Variants in EDARADD observed in about 807,000 individuals in gnomAD.
EDARADD encodes the protein EDAR associated via death domain, also known as ectodysplasin-A receptor-associated adapter protein.
EDARADD carries 20 observed loss-of-function variants against 25.6 expected under a neutral mutation model. That is an observed-to-expected ratio of 0.78 (90% CI 0.55 to 1.14). EDARADD has a LOEUF of 1.14. EDARADD is among the 50% of genes most tolerant of loss of function. The pLI is 0.00. For missense variants in EDARADD, 225 were observed against 270.1 expected (o/e 0.83, Z 1.17); for synonymous variants, 86 against 94.4 (o/e 0.91, Z 0.52).
chr1:236,428,808 G>A (rs866536399), intron 4 of EDARADD, among the ~76,000 whole-genome samples: 2 of 151,778 alleles, frequency 1.3e-5, no homozygotes, highest in African/African-American at 4.8e-5. Flanking sequence ...AGGTTGTAGC[G>A]AGCGGAGATC....
In EDARADD at chr1:236,483,125, TCTCTC is replaced by T; in HGVS notation, c.*479_*483del. ...CTGAGTGTCTGCAGCACCCTCCACT[TCTCTC>T]CTAGGCAATGAGACCCAGTGGCTAG... is the stretch of plus-strand genomic sequence containing the variant. On this transcript the variant is annotated 3_prime_UTR_variant, in exon 6 of 6. Transcript: ENST00000334232. 1 of 1,351,030 alleles carries T rather than the reference TCTCTC, an allele frequency of 7.4e-7. No individual in the cohort carries two copies. The highest frequency in any genetic ancestry group is 1.4e-5 in the African/African-American group (1 of 69,758). The allele number at this position is 1,351,030 out of a possible 1,614,324, so 83.7% of individuals were successfully genotyped here.
chr1:236,352,711 G>T (rs1666931004), intron 3 of EDARADD, among the ~76,000 whole-genome samples: 1 of 152,138 alleles, frequency 6.6e-6, no homozygotes, highest in African/African-American at 2.4e-5. Flanking sequence ...AGCCGGGCGT[G>T]GTGGTGGGCA....
chr1:236,375,980 G>A (rs772118705), intron 3 of EDARADD, among the ~76,000 whole-genome samples: 1 of 147,158 alleles, frequency 6.8e-6, no homozygotes, highest in East Asian at 2.0e-4. Flanking sequence ...TCTTACCCAG[G>A]CTGGAGTGCA....
chr1:236,471,687 G>C (rs1179548541), intron 5 of EDARADD, among the ~76,000 whole-genome samples: 2 of 152,112 alleles, frequency 1.3e-5, no homozygotes, highest in African/African-American at 4.8e-5. Flanking sequence ...ACTAACTCAA[G>C]ACCTGGTTAT....
At chr1:236,349,520 G>C (rs560642492) in intron 2 of EDARADD, among the ~76,000 whole-genome samples, 1 of 151,862 alleles carries the variant, frequency 6.6e-6, no homozygotes, top group Non-Finnish European at 1.5e-5. Context: ...TCAGAAAGGC[G>C]GGACAACTCA....
At chr1:236,468,712 C>A (rs576952759) in intron 5 of EDARADD, among the ~76,000 whole-genome samples, 1 of 152,158 alleles carries the variant, frequency 6.6e-6, no homozygotes, top group Non-Finnish European at 1.5e-5. Context: ...TTTCTACCTG[C>A]GGTGCACTGC....
At chr1:236,460,187 CT>C (rs535170345) in intron 4 of EDARADD, among the ~76,000 whole-genome samples, 195 of 138,508 alleles carry the variant, frequency 1.4e-3, no homozygotes, top group Middle Eastern at 3.7e-3. Context: ...TTTTTCTTTT[CT>C]TTTTTTTTTT....
intron 4 of EDARADD, among the ~76,000 whole-genome samples, chr1:236,435,187 T>A (rs1658207126): frequency 6.6e-6 from 1 of 152,132 alleles, no homozygotes; most frequent in Admixed American, 6.5e-5. Flanking sequence ...TTAACCAAGA[T>A]GAAACCTTGA....
intron 3 of EDARADD, among the ~76,000 whole-genome samples, chr1:236,415,451 T>G (rs938059510): frequency 6.6e-6 from 1 of 152,120 alleles, no homozygotes; most frequent in African/African-American, 2.4e-5. Context: ...TTTTTTATTA[T>G]TATTATTTTT....
chr1:236,363,958 G>A (rs1256410903), intron 3 of EDARADD, among the ~76,000 whole-genome samples: 1 of 152,022 alleles, frequency 6.6e-6, no homozygotes, highest in East Asian at 1.9e-4. Context: ...TTGAGGTCAG[G>A]AGTTCGAGAC....
At chr1:236,353,517 T>TA (rs1666942112) in intron 3 of EDARADD, among the ~76,000 whole-genome samples, 1 of 151,472 alleles carries the variant, frequency 6.6e-6, no homozygotes, top group African/African-American at 2.4e-5. Flanking sequence ...CTGTCTCTAC[T>TA]AAAATACAAA....
chr1:236,391,228 C>T (rs1667423210), upstream of EDARADD, among the ~76,000 whole-genome samples: 1 of 152,126 alleles, frequency 6.6e-6, no homozygotes, highest in African/African-American at 2.4e-5. Context: ...CATATTCCAG[C>T]CCCTGGACTC....
intron 4 of EDARADD, among the ~76,000 whole-genome samples, chr1:236,449,973 C>T (rs768476125): frequency 8.6e-5 from 13 of 151,900 alleles, no homozygotes; most frequent in Non-Finnish European, 1.8e-4. Flanking sequence ...TAGTGGTGTG[C>T]GCCTGTAATC....
At chr1:236,372,872 T>C (rs608326) in intron 3 of EDARADD, among the ~76,000 whole-genome samples, 68,283 of 150,396 alleles carry the variant, frequency 0.45, 16,467 homozygotes, top group East Asian at 0.81. Flanking sequence ...TCCTTTATTA[T>C]GTTTTTAATG....
chr1:236,459,306 A>C (rs1451231399), intron 4 of EDARADD, among the ~76,000 whole-genome samples: 1 of 152,132 alleles, frequency 6.6e-6, no homozygotes, highest in Non-Finnish European at 1.5e-5. Context: ...ATACTCTGTG[A>C]TATTTCTGAA....
intron 3 of EDARADD, among the ~76,000 whole-genome samples, chr1:236,353,250 C>A (rs558008137): frequency 6.6e-6 from 1 of 152,260 alleles, no homozygotes; most frequent in East Asian, 1.9e-4. Flanking sequence ...GCAAACTCTT[C>A]CCCTCCTGGT....
rs562257138 is a variant in EDARADD, at chr1:236,428,014, A to T, written c.219+564A>T. On this transcript the variant is annotated intron_variant, in intron 4 of 5. Coordinates refer to ENST00000334232, the MANE Select transcript of EDARADD (RefSeq NM_145861.4). The stretch of plus-strand genomic sequence containing the variant: ...TTTATTGATCATTCTTGGGTGTTTC[A>T]CAGAGAGGGGGATTTGGCAGGGTCA... 3.2e-3 allele frequency among the ~76,000 whole-genome samples: 480 copies of T among 150,576 alleles called. 2 individuals carry two copies. Among genetic ancestry groups the T allele is most frequent in the African/African-American group, 0.011 (454 of 40,728 alleles).
At chr1:236,440,463 C>T (rs1425523411) in intron 4 of EDARADD, among the ~76,000 whole-genome samples, 2 of 152,120 alleles carry the variant, frequency 1.3e-5, no homozygotes, top group Non-Finnish European at 2.9e-5. Flanking sequence ...TTTGGAAGAA[C>T]TGATACCTTG....
At chr1:236,401,204 T>C (rs1180954783) in intron 1 of EDARADD, among the ~76,000 whole-genome samples, 1 of 150,918 alleles carries the variant, frequency 6.6e-6, no homozygotes, top group Non-Finnish European at 1.5e-5. Context: ...AAAAAAGCTA[T>C]GGTACAAAAC....
Sources: gnomAD v4.1 joint callset for allele counts (sites outside exome capture counted in the v4.1 genomes callset) on GRCh38, gnomAD v4.1.1 for gene constraint, MANE v1.5 for transcripts, NCBI Gene and HGNC (gene_info 2026-07-23, HGNC 2026-07-21) for gene names.